Variants in AGO3 observed in about 807,000 individuals in gnomAD.
The protein encoded by AGO3 is argonaute RISC catalytic component 3, also known as protein argonaute-3.
In AGO3, 16 loss-of-function variants were observed where a neutral mutation model predicts 105.5. The ratio of observed to expected loss-of-function variants is 0.15; its 90% CI spans 0.10 to 0.23. The LOEUF (loss-of-function observed/expected upper bound fraction) is 0.23, where lower values mean the gene tolerates loss of function less well. Ranked by LOEUF, AGO3 falls within the 10% of genes least tolerant of loss-of-function variation. AGO3 has a pLI of 1.00. For synonymous variants in AGO3, 340 were observed against 367.3 expected, an observed-to-expected ratio of 0.93 and a Z score of 0.85; for missense variants, 534 against 1,088.0, an observed-to-expected ratio of 0.49 and a Z score of 7.16.
chr1:36,007,284 C>T (rs1430708809), intron 6 of AGO3, among the ~76,000 whole-genome samples: 1 of 152,216 alleles, frequency 6.6e-6, no homozygotes, highest in Non-Finnish European at 1.5e-5. Flanking sequence ...TGGACTTTAT[C>T]CCTTGGAGTC....
rs897908955 is a variant in AGO3, at chr1:36,058,612, A to G, written c.*2867A>G. On this transcript the variant is annotated 3_prime_UTR_variant, in exon 19 of 19. Coordinates refer to ENST00000373191, the MANE Select transcript of AGO3 (RefSeq NM_024852.4). ...GCCAATTCACTGTATTTTGAGCCTA[A>G]AATCTGAGCCCATGTCCTCTGACAG... The G allele has an allele frequency of 6.6e-6, 1 of 152,152 alleles. No individual in the cohort carries two copies. Among genetic ancestry groups the G allele is most frequent in the African/African-American group, 2.4e-5 (1 of 41,440 alleles). 9.4% of individuals were successfully genotyped at this position (152,152 alleles called of 1,614,324 possible). A position where few individuals can be genotyped will look rare whatever the true frequency, so the allele number is the denominator to read the frequency against.
chr1:35,933,642 A>C (rs1277661008), intron 1 of AGO3, among the ~76,000 whole-genome samples: 2 of 89,396 alleles, frequency 2.2e-5, no homozygotes, highest in African/African-American at 1.5e-4. Flanking sequence ...CCCTGTCTCA[A>C]AAAAAAAAAA....
chr1:35,942,460 C>T (rs900008309), intron 1 of AGO3, among the ~76,000 whole-genome samples: 4 of 151,948 alleles, frequency 2.6e-5, no homozygotes, highest in East Asian at 1.9e-4. Flanking sequence ...TGTATAACAT[C>T]GGTGTTATTT....
chr1:35,951,806 TG>T (rs1646474417), intron 2 of AGO3, among the ~76,000 whole-genome samples: 3 of 152,226 alleles, frequency 2.0e-5, no homozygotes, highest in Admixed American at 6.5e-5. Flanking sequence ...CTGTTAGGAA[TG>T]TCATTTTTAT....
intron 2 of AGO3, among the ~76,000 whole-genome samples, chr1:35,960,746 T>C (rs1646658302): frequency 6.6e-6 from 1 of 152,070 alleles, no homozygotes; most frequent in Non-Finnish European, 1.5e-5. Flanking sequence ...CTTTGTAGCA[T>C]AGGTTTTGTC....
chr1:35,947,517 GT>G, intron 2 of AGO3, among the ~76,000 whole-genome samples: 1 of 152,214 alleles, frequency 6.6e-6, no homozygotes, highest in East Asian at 1.9e-4. Context: ...GAAAAGTAGT[GT>G]TTTTTATCAT....
chr1:36,028,185 G>A (rs1416427362), intron 12 of AGO3, among the ~76,000 whole-genome samples: 1 of 151,980 alleles, frequency 6.6e-6, no homozygotes, highest in Non-Finnish European at 1.5e-5. Context: ...GGAACTACAG[G>A]CATGTGCCAC....
chr1:36,010,783 A>G (rs1640570231), intron 9 of AGO3, among the ~76,000 whole-genome samples: 1 of 151,392 alleles, frequency 6.6e-6, no homozygotes, highest in Non-Finnish European at 1.5e-5. Flanking sequence ...GCGCATGCCT[A>G]TAATCCCAGC....
chr1:36,022,252 A>G (rs528146098), intron 11 of AGO3, among the ~76,000 whole-genome samples: 17 of 151,760 alleles, frequency 1.1e-4, no homozygotes, highest in Non-Finnish European at 2.2e-4. Context: ...TTTTTTGTAG[A>G]GACAAAATCT....
chr1:36,000,683 A>C (rs1043610477), intron 5 of AGO3, among the ~76,000 whole-genome samples: 2 of 152,078 alleles, frequency 1.3e-5, no homozygotes, highest in Admixed American at 6.5e-5. Flanking sequence ...TAAACATTAT[A>C]AACATATAAC....
intron 5 of AGO3, among the ~76,000 whole-genome samples, chr1:35,987,557 C>T (rs1170870359): frequency 6.6e-6 from 1 of 151,654 alleles, no homozygotes; most frequent in Admixed American, 6.6e-5. Flanking sequence ...GTACTAGGTA[C>T]ATACAAATAA....
intron 17 of AGO3, among the ~76,000 whole-genome samples, chr1:36,047,399 A>G (rs2148857323): frequency 6.6e-6 from 1 of 152,180 alleles, no homozygotes; most frequent in South Asian, 2.1e-4. Context: ...ATCAAGCAGA[A>G]GAATCTCTGA....
At position 36,066,658 on chromosome 1, in the gene AGO3, CAAAA is replaced by C. The variant is rs1285788575; in HGVS notation, c.*10915_*10918del. The C allele has an allele frequency of 6.6e-6, 1 of 152,084 alleles. No individual in the cohort carries two copies. Among genetic ancestry groups the C allele is most frequent in the African/African-American group, 2.4e-5 (1 of 41,412 alleles). 9.4% of individuals were successfully genotyped at this position (152,084 alleles called of 1,614,324 possible). On this transcript the variant is annotated 3_prime_UTR_variant, in exon 19 of 19. Coordinates refer to ENST00000373191, the MANE Select transcript of AGO3 (RefSeq NM_024852.4). ...TTTCATTTTTGGTTGGGAAAACAAA[CAAAA>C]ATCTCTTAAGTTAGTCCTTTAATAG...
At position 35,973,513 on chromosome 1, in the gene AGO3, TA is replaced by T; in HGVS notation, c.658+4del. On this transcript the variant is annotated splice_donor_region_variant and intron_variant, in intron 5 of 18. Coordinates refer to ENST00000373191, the MANE Select transcript of AGO3 (RefSeq NM_024852.4). ...GGAAAATGATGCTTAATATCGATGG[TA>T]AGGGAACTAAAGCCATATTCTGTAT... The T allele has an allele frequency of 6.4e-7, 1 of 1,572,142 alleles. No homozygotes were observed. Among genetic ancestry groups the T allele is most frequent in the Non-Finnish European group, 8.7e-7 (1 of 1,154,498 alleles).
intron 2 of AGO3, among the ~76,000 whole-genome samples, chr1:35,948,218 T>A (rs1012357620): frequency 4.9e-5 from 7 of 142,152 alleles, no homozygotes; most frequent in Non-Finnish European, 1.1e-4. Flanking sequence ...GGAACAGAAT[T>A]TTTTTTTTTT....
In AGO3 at chr1:35,967,589, G is replaced by A. The variant is rs546906679; in HGVS notation, c.312+514G>A. Among the ~76,000 whole-genome samples, 10 of 151,744 alleles carry A rather than the reference G, an allele frequency of 6.6e-5. No individual in the cohort carries two copies. In the East Asian group the frequency reaches 1.7e-3, roughly 26 times the overall value. On this transcript the variant is annotated intron_variant, in intron 3 of 18. Transcript: ENST00000373191. ...GCTACCACTCTTGGCTAATTTTTTT[G>A]TGTTTGTAGTAGAGATGGGGTTTCG...
At chr1:35,950,681 G>T (rs1190981750) in intron 2 of AGO3, among the ~76,000 whole-genome samples, 1 of 152,076 alleles carries the variant, frequency 6.6e-6, no homozygotes, top group Non-Finnish European at 1.5e-5. Flanking sequence ...TTTCTAATAG[G>T]TGAATGGTCT....
rs1412987009 is a variant in AGO3, at chr1:36,063,244, C to T, written c.*7499C>T. The T allele has an allele frequency of 6.6e-6, 1 of 152,090 alleles. No homozygotes were observed. Among genetic ancestry groups the T allele is most frequent in the East Asian group, 1.9e-4 (1 of 5,196 alleles). The allele number at this position is 152,090 out of a possible 1,614,324, so 9.4% of individuals were successfully genotyped here. On this transcript the variant is annotated 3_prime_UTR_variant, in exon 19 of 19. Transcript: ENST00000373191. ...TTCTACATGTGGAGGGGAGGTGGGG[C>T]TTTCCTGTAAGTTTGATCCTTTTTT...
intron 1 of AGO3, among the ~76,000 whole-genome samples, chr1:35,940,077 T>A (rs1279925717): frequency 6.6e-6 from 1 of 152,126 alleles, no homozygotes; most frequent in African/African-American, 2.4e-5. Flanking sequence ...AAAAATTTTT[T>A]TTTTTTTGAG....
Sources: gnomAD v4.1 joint callset for allele counts (sites outside exome capture counted in the v4.1 genomes callset) on GRCh38, gnomAD v4.1.1 for gene constraint, MANE v1.5 for transcripts, NCBI Gene and HGNC (gene_info 2026-07-23, HGNC 2026-07-21) for gene names.